Variants in MAGI2 observed in about 807,000 individuals in gnomAD.
MAGI2 encodes membrane-associated guanylate kinase, WW and PDZ domain-containing protein 2.
Under a neutral mutation model 133.3 loss-of-function variants are expected in MAGI2, and 35 were observed. The observed-to-expected ratio is 0.26, with a 90% CI of 0.20 to 0.35. The LOEUF (loss-of-function observed/expected upper bound fraction) is 0.35. Among genes scored for constraint, MAGI2 ranks in the 10% least tolerant of loss-of-function variants. The probability of loss-of-function intolerance (pLI) is 1.00; values close to 1 mark genes in which losing one functional copy is unlikely to be tolerated. For missense variants in MAGI2, 1,636 were observed against 1,863.4 expected (o/e 0.88, Z 2.25); for synonymous variants, 729 against 710.6 (o/e 1.03, Z -0.41).
At chr7:79,192,273 G>A (rs959189219) in intron 1 of MAGI2, among the ~76,000 whole-genome samples, 3 of 151,768 alleles carry the variant, frequency 2.0e-5, no homozygotes, top group Non-Finnish European at 2.9e-5. Flanking sequence ...TTCATGAAGT[G>A]TAGAATTTTT....
intron 2 of MAGI2, among the ~76,000 whole-genome samples, chr7:78,901,727 C>T (rs532879369): frequency 6.6e-6 from 1 of 151,750 alleles, no homozygotes; most frequent in Admixed American, 6.6e-5. Flanking sequence ...ATTAAGTGAT[C>T]GGTTCTTGTC....
intron 1 of MAGI2, among the ~76,000 whole-genome samples, chr7:79,022,687 ACAT>A (rs1809465244): frequency 2.0e-5 from 3 of 149,588 alleles, no homozygotes; most frequent in Non-Finnish European, 4.4e-5. Flanking sequence ...GACAAAGGGG[ACAT>A]TACAACTGGC....
intron 1 of MAGI2, among the ~76,000 whole-genome samples, chr7:79,384,545 T>A (rs900559679): frequency 3.0e-4 from 45 of 151,758 alleles, no homozygotes; most frequent in African/African-American, 1.1e-3. Flanking sequence ...AGCTTAAATA[T>A]GAGAATTCAG....
chr7:79,426,756 C>G (rs1021171892), intron 1 of MAGI2, among the ~76,000 whole-genome samples: 1 of 152,106 alleles, frequency 6.6e-6, no homozygotes, highest in Non-Finnish European at 1.5e-5. Context: ...AAAGAAATTA[C>G]TTTTGCACTA....
intron 1 of MAGI2, among the ~76,000 whole-genome samples, chr7:79,206,434 T>C (rs1829066882): frequency 6.6e-6 from 1 of 150,444 alleles, no homozygotes; most frequent in Non-Finnish European, 1.5e-5. Flanking sequence ...GAGATACTAT[T>C]ATGAAAAATT....
intron 16 of MAGI2, among the ~76,000 whole-genome samples, chr7:78,145,746 G>A (rs1823247543): frequency 1.3e-5 from 2 of 152,110 alleles, no homozygotes; most frequent in African/African-American, 4.8e-5. Flanking sequence ...CCAGTCTGTG[G>A]TATTCCACTA....
chr7:78,179,033 C>A (rs1826938330), intron 13 of MAGI2, among the ~76,000 whole-genome samples: 1 of 152,236 alleles, frequency 6.6e-6, no homozygotes, highest in African/African-American at 2.4e-5. Context: ...TGCCCCTTGG[C>A]ACCTTCCTCA....
chr7:78,622,877 A>G (rs1241022835), intron 3 of MAGI2, among the ~76,000 whole-genome samples: 2 of 152,038 alleles, frequency 1.3e-5, no homozygotes, highest in African/African-American at 2.4e-5. Context: ...AAAGTCTTAT[A>G]TGGAAGTCAG....
chr7:79,413,842 A>G (rs1364450299), intron 1 of MAGI2: 2 of 152,050 alleles, frequency 1.3e-5, no homozygotes, highest in South Asian at 4.1e-4. Context: ...ATTCTGTTCA[A>G]TATTTGAAAT....
chr7:78,179,296 A>G (rs1826960679), intron 13 of MAGI2, among the ~76,000 whole-genome samples: 1 of 152,224 alleles, frequency 6.6e-6, no homozygotes, highest in African/African-American at 2.4e-5. Context: ...TTCTCATGGG[A>G]CAAAAATCTA....
chr7:78,914,330 A>G (rs574663142), intron 2 of MAGI2, among the ~76,000 whole-genome samples: 1 of 152,334 alleles, frequency 6.6e-6, no homozygotes, highest in South Asian at 2.1e-4. Context: ...ACTACAAAGA[A>G]CAAATGTAAT....
intron 1 of MAGI2, among the ~76,000 whole-genome samples, chr7:79,293,200 G>C (rs1261085828): frequency 1.3e-5 from 2 of 152,066 alleles, no homozygotes; most frequent in African/African-American, 4.8e-5. Flanking sequence ...ATCTTTGTAA[G>C]CCTGACTCCT....
At chr7:78,205,828 T>C (rs909903706) in intron 10 of MAGI2, among the ~76,000 whole-genome samples, 9 of 152,238 alleles carry the variant, frequency 5.9e-5, no homozygotes, top group Non-Finnish European at 1.2e-4. Context: ...ATTTCCTTTA[T>C]TGTCAGGAAT....
At chr7:78,742,962 G>C (rs1291281010) in intron 2 of MAGI2, among the ~76,000 whole-genome samples, 2 of 152,196 alleles carry the variant, frequency 1.3e-5, no homozygotes, top group Admixed American at 1.3e-4. Context: ...TGCAGACAAA[G>C]AGATTCTCAG....
intron 1 of MAGI2, among the ~76,000 whole-genome samples, chr7:79,335,981 C>G (rs1371656979): frequency 1.3e-5 from 2 of 152,066 alleles, no homozygotes; most frequent in Non-Finnish European, 2.9e-5. Flanking sequence ...CACTTTCTTT[C>G]AGCACTTAAC....
At chr7:78,390,995 T>C (rs891271468) in intron 6 of MAGI2, among the ~76,000 whole-genome samples, 3 of 152,200 alleles carry the variant, frequency 2.0e-5, no homozygotes, top group African/African-American at 7.2e-5. Context: ...CCTTGAAATA[T>C]GCTTTCTGGG....
At chr7:78,176,569 C>G (rs889580871) in intron 14 of MAGI2, among the ~76,000 whole-genome samples, 10 of 152,168 alleles carry the variant, frequency 6.6e-5, no homozygotes, top group Non-Finnish European at 1.3e-4. Context: ...GGAGCCCACT[C>G]TTCACCCAGG....
intron 9 of MAGI2, among the ~76,000 whole-genome samples, chr7:78,317,320 A>C (rs1787518780): frequency 6.6e-6 from 1 of 152,196 alleles, no homozygotes; most frequent in African/African-American, 2.4e-5. Flanking sequence ...CCCACCAATC[A>C]AGAACAGGAG....
intron 6 of MAGI2, among the ~76,000 whole-genome samples, chr7:78,430,851 C>T (rs1799725688): frequency 6.6e-6 from 1 of 152,084 alleles, no homozygotes; most frequent in Non-Finnish European, 1.5e-5. Flanking sequence ...GGCTTTCCAA[C>T]CAGGATCCCT....
Sources: gnomAD v4.1 joint callset for allele counts (sites outside exome capture counted in the v4.1 genomes callset) on GRCh38, gnomAD v4.1.1 for gene constraint, MANE v1.5 for transcripts, NCBI Gene and HGNC (gene_info 2026-07-23, HGNC 2026-07-21) for gene names.